Variants in VOPP1 observed in about 807,000 individuals in gnomAD.
The protein encoded by VOPP1 is WW domain binding protein VOPP1.
Under a neutral mutation model 23.5 loss-of-function variants are expected in VOPP1, and 8 were observed. That is an observed-to-expected ratio of 0.34 (90% confidence interval 0.20 to 0.61). The LOEUF is 0.61. Among genes scored for constraint, VOPP1 ranks in the 20% least tolerant of loss-of-function variants. VOPP1 has a pLI of 0.78. For synonymous variants in VOPP1, 83 were observed against 97.3 expected (o/e 0.85, Z 0.86); for missense variants, 174 against 238.1 (o/e 0.73, Z 1.77).
chr7:55,518,155 G>A (rs1441903818), intron 2 of VOPP1, among the ~76,000 whole-genome samples: 1 of 152,176 alleles, frequency 6.6e-6, no homozygotes, highest in African/African-American at 2.4e-5. Context: ...AAACCTGGCA[G>A]GTCAGAATTC....
At chr7:55,558,535 CG>C (rs888599431) in intron 1 of VOPP1, among the ~76,000 whole-genome samples, 3 of 152,086 alleles carry the variant, frequency 2.0e-5, no homozygotes, top group African/African-American at 7.3e-5. Flanking sequence ...ATGCTTTAAT[CG>C]GGGAGAGGAC....
At chr7:55,563,241 ATATAT>A (rs1798047888) in intron 1 of VOPP1, among the ~76,000 whole-genome samples, 1 of 152,238 alleles carries the variant, frequency 6.6e-6, no homozygotes. Context: ...AAGCATAAAT[ATATAT>A]TATTAGAAGA....
intron 1 of VOPP1, among the ~76,000 whole-genome samples, chr7:55,550,093 G>A (rs1797541559): frequency 6.6e-6 from 1 of 152,248 alleles, no homozygotes; most frequent in Non-Finnish European, 1.5e-5. Flanking sequence ...CAGAACAAGG[G>A]AGGGTCCTGG....
intron 4 of VOPP1, among the ~76,000 whole-genome samples, chr7:55,477,195 C>A (rs1053845785): frequency 6.6e-6 from 1 of 152,222 alleles, no homozygotes; most frequent in Non-Finnish European, 1.5e-5. Context: ...GTACCCAGAA[C>A]AAGGCACGTC....
At position 55,546,058 on chromosome 7, in the gene VOPP1, C is replaced by A. The variant is rs34505105; in HGVS notation, c.55-24928G>T. ...CTCCAGTCTGGGTGACAGAATGAGACCCTGTCTCAATTAAAAAAAATAAAA... is the reference window on the plus strand; with the variant it reads ...CTCCAGTCTGGGTGACAGAATGAGAACCTGTCTCAATTAAAAAAAATAAAA... On this transcript the variant is annotated intron_variant, in intron 1 of 4. Coordinates refer to ENST00000285279, the MANE Select transcript of VOPP1 (RefSeq NM_030796.5). Among the ~76,000 whole-genome samples the A allele has an allele frequency of 7.4e-3, 1,126 of 152,076 alleles. 7 individuals carry two copies. Among genetic ancestry groups the A allele is most frequent in the Non-Finnish European group, 0.013 (911 of 67,992 alleles).
intron 4 of VOPP1, among the ~76,000 whole-genome samples, chr7:55,448,326 CATG>C (rs1791152446): frequency 6.6e-6 from 1 of 152,006 alleles, no homozygotes; most frequent in Non-Finnish European, 1.5e-5. Context: ...AAACAAAACA[CATG>C]GTAAAATTAT....
chr7:55,548,686 T>C (rs1029714305), intron 1 of VOPP1, among the ~76,000 whole-genome samples: 1 of 152,250 alleles, frequency 6.6e-6, no homozygotes, highest in African/African-American at 2.4e-5. Context: ...TAAGGGACTC[T>C]AACCATCTTT....
In VOPP1 at chr7:55,552,120, T is replaced by C. The variant is rs78190914; in HGVS notation, c.54+20151A>G. Among the ~76,000 whole-genome samples, 140 of 150,732 alleles carry C rather than the reference T, an allele frequency of 9.3e-4. No homozygotes were observed. In the East Asian group the frequency reaches 0.025, roughly 27 times the overall value. On this transcript the variant is annotated intron_variant, in intron 1 of 4. Coordinates refer to ENST00000285279, the MANE Select transcript of VOPP1 (RefSeq NM_030796.5). ...TAGCCAGGTCAGGGACCAGTGACCC[T>C]GTGGAAAAGGAAGCAGTGGGCCTAC...
intron 2 of VOPP1, among the ~76,000 whole-genome samples, chr7:55,512,361 G>A (rs1298081980): frequency 6.6e-6 from 1 of 152,064 alleles, no homozygotes; most frequent in Non-Finnish European, 1.5e-5. Context: ...GGAAGGCGGA[G>A]GTTGCAGTGA....
chr7:55,517,446 C>T (rs760664812), intron 2 of VOPP1, among the ~76,000 whole-genome samples: 11 of 152,068 alleles, frequency 7.2e-5, no homozygotes, highest in African/African-American at 9.7e-5. Context: ...TCACCATCCC[C>T]GGGACAGCAC....
intron 4 of VOPP1, among the ~76,000 whole-genome samples, chr7:55,465,387 A>AGG (rs1237348920): frequency 1.2e-4 from 19 of 152,312 alleles, no homozygotes; most frequent in African/African-American, 4.6e-4. Flanking sequence ...CAAGAACGGT[A>AGG]GGTGATGTGT....
chr7:55,549,693 G>A (rs894324561), intron 1 of VOPP1, among the ~76,000 whole-genome samples: 1 of 152,192 alleles, frequency 6.6e-6, no homozygotes, highest in Non-Finnish European at 1.5e-5. Flanking sequence ...CACCTGCAAT[G>A]AGCAGAAGCT....
intron 2 of VOPP1, among the ~76,000 whole-genome samples, chr7:55,503,185 C>T (rs1400397322): frequency 1.3e-5 from 2 of 152,140 alleles, no homozygotes; most frequent in Admixed American, 1.3e-4. Context: ...AAAAGGGTGC[C>T]TGCCTTTTAT....
At chr7:55,550,911 C>G (rs1431595145) in intron 1 of VOPP1, among the ~76,000 whole-genome samples, 1 of 152,138 alleles carries the variant, frequency 6.6e-6, no homozygotes, top group African/African-American at 2.4e-5. Context: ...ATTTTAGAGT[C>G]AGAGGCTACA....
chr7:55,555,969 T>C (rs1216400905), intron 1 of VOPP1, among the ~76,000 whole-genome samples: 3 of 152,216 alleles, frequency 2.0e-5, no homozygotes, highest in Non-Finnish European at 2.9e-5. Flanking sequence ...CCATGTGTTC[T>C]AAGATGTTTC....
At chr7:55,486,433 A>C (rs2129016020) in intron 4 of VOPP1, among the ~76,000 whole-genome samples, 1 of 152,352 alleles carries the variant, frequency 6.6e-6, no homozygotes, top group East Asian at 1.9e-4. Flanking sequence ...ATAGCAAGGC[A>C]GAGGTCACAG....
intron 4 of VOPP1, among the ~76,000 whole-genome samples, chr7:55,477,199 G>T (rs1421478033): frequency 6.6e-6 from 1 of 152,194 alleles, no homozygotes; most frequent in Non-Finnish European, 1.5e-5. Context: ...CCAGAACAAG[G>T]CACGTCCATG....
chr7:55,459,923 AT>A (rs1006829965), intron 4 of VOPP1, among the ~76,000 whole-genome samples: 2 of 151,390 alleles, frequency 1.3e-5, no homozygotes, highest in African/African-American at 4.8e-5. Context: ...TTGGTTTGTC[AT>A]TGGTTTTCTA....
At chr7:55,492,685 C>G (rs1194247681) in intron 3 of VOPP1, among the ~76,000 whole-genome samples, 2 of 152,174 alleles carry the variant, frequency 1.3e-5, no homozygotes, top group African/African-American at 4.8e-5. Flanking sequence ...GTGAGGCCAC[C>G]CACCCTGAAA....
Sources: allele counts gnomAD v4.1 joint callset (sites outside exome capture counted in the v4.1 genomes callset), GRCh38; gene constraint gnomAD v4.1.1; transcripts MANE v1.5; gene names NCBI Gene and HGNC (gene_info 2026-07-23, HGNC 2026-07-21).